Variants in TANC2 observed in about 807,000 individuals in gnomAD.
The protein encoded by TANC2 is protein TANC2.
In TANC2, 26 loss-of-function variants were observed where a neutral mutation model predicts 210.5. That is an observed-to-expected ratio of 0.12 (90% CI 0.09 to 0.17). TANC2 has a LOEUF of 0.17. Among genes scored for constraint, TANC2 ranks in the 10% least tolerant of loss-of-function variants. The pLI is 1.00. For synonymous variants in TANC2, 931 were observed against 967.1 expected (o/e 0.96, Z 0.69); for missense variants, 2,129 against 2,608.9 (o/e 0.82, Z 4.01).
chr17:63,324,377 T>A lies in TANC2; in HGVS notation c.1575+5287T>A, dbSNP rs1351150755. Among the ~76,000 whole-genome samples the A allele has an allele frequency of 2.0e-5, 3 of 152,214 alleles. No homozygotes were observed. In the East Asian group the frequency reaches 5.8e-4, roughly 29 times the overall value. On this transcript the variant is annotated intron_variant, in intron 11 of 27. Transcript: ENST00000689528. ...GTCAAATGATCATGGTTCCTGAAATTGTTGCAGTCACTATTAAAGCTGTCA... is the reference window on the plus strand; with the variant it reads ...GTCAAATGATCATGGTTCCTGAAATAGTTGCAGTCACTATTAAAGCTGTCA...
At chr17:63,162,190 G>A (rs2040051110) in intron 5 of TANC2, among the ~76,000 whole-genome samples, 1 of 152,038 alleles carries the variant, frequency 6.6e-6, no homozygotes, top group African/African-American at 2.4e-5. Context: ...TGTAGTTCCA[G>A]CTACTTGGAA....
At chr17:63,001,178 G>A (rs1181672963) in intron 1 of TANC2, among the ~76,000 whole-genome samples, 1 of 152,088 alleles carries the variant, frequency 6.6e-6, no homozygotes, top group Admixed American at 6.5e-5. Context: ...GAACAACTAT[G>A]TGTAAATAAT....
intron 3 of TANC2, among the ~76,000 whole-genome samples, chr17:63,078,779 A>G (rs1164783443): frequency 1.3e-5 from 2 of 152,118 alleles, no homozygotes; most frequent in African/African-American, 4.8e-5. Flanking sequence ...ATCATTTTAA[A>G]TTTGTTAAGA....
At chr17:63,166,766 A>T (rs2040224304) in intron 5 of TANC2, among the ~76,000 whole-genome samples, 1 of 151,944 alleles carries the variant, frequency 6.6e-6, no homozygotes, top group South Asian at 2.1e-4. Context: ...CCACAGCCCC[A>T]TGCAGATGGC....
At chr17:63,181,904 G>A (rs901131448) in intron 5 of TANC2, among the ~76,000 whole-genome samples, 5 of 152,132 alleles carry the variant, frequency 3.3e-5, no homozygotes, top group African/African-American at 4.8e-5. Context: ...TACTTGCCTC[G>A]TGTCACTACC....
intron 15 of TANC2, among the ~76,000 whole-genome samples, chr17:63,387,305 TCCTCTAGTGTGAGAATTC>T (rs2047816333): frequency 6.6e-6 from 1 of 152,202 alleles, no homozygotes. Context: ...TTTCAGCCTT[TCCTCTAGTGTGAGAATTC>T]CCTCTACAGG....
chr17:63,039,368 C>G (rs17548527), intron 2 of TANC2, among the ~76,000 whole-genome samples: 4,509 of 152,238 alleles, frequency 0.03, 83 homozygotes, highest in South Asian at 0.037. Context: ...CTGGCATACT[C>G]TTGTGCATTC....
intron 2 of TANC2, among the ~76,000 whole-genome samples, chr17:63,018,723 T>G (rs1311942525): frequency 1.3e-5 from 2 of 152,162 alleles, no homozygotes; most frequent in Non-Finnish European, 2.9e-5. Flanking sequence ...TCACACCTGC[T>G]CCCTTGTTAA....
At chr17:63,179,687 C>T (rs188573722) in intron 5 of TANC2, among the ~76,000 whole-genome samples, 1 of 152,124 alleles carries the variant, frequency 6.6e-6, no homozygotes, top group East Asian at 1.9e-4. Flanking sequence ...AAATTGTTCC[C>T]TCTGCTCTTT....
intron 14 of TANC2, among the ~76,000 whole-genome samples, chr17:63,369,894 C>T (rs2047215482): frequency 6.6e-6 from 1 of 151,934 alleles, no homozygotes; most frequent in African/African-American, 2.4e-5. Context: ...TGAGCCACCT[C>T]GCCTGGCCTA....
At chr17:63,352,614 A>G (rs1337158869) in intron 13 of TANC2, among the ~76,000 whole-genome samples, 1 of 152,220 alleles carries the variant, frequency 6.6e-6, no homozygotes, top group Non-Finnish European at 1.5e-5. Context: ...ATATTCTCAC[A>G]TAATATCATG....
rs186285507 is a variant in TANC2, at chr17:62,998,638, C to G, written c.-23-10899C>G. 1.8e-3 allele frequency among the ~76,000 whole-genome samples: 273 copies of G among 152,286 alleles called. 1 individual carries two copies. Among genetic ancestry groups the G allele is most frequent in the Non-Finnish European group, 2.5e-3 (172 of 68,014 alleles). On this transcript the variant is annotated intron_variant, in intron 1 of 27. Transcript: ENST00000689528. ...AAAAGAAATTCTAACCAAACATTTC[C>G]TATGTAGCCAAACTAAGCTTCATAA...
intron 9 of TANC2, among the ~76,000 whole-genome samples, chr17:63,293,216 C>T (rs2044434428): frequency 6.6e-6 from 1 of 152,034 alleles, no homozygotes; most frequent in African/African-American, 2.4e-5. Flanking sequence ...TCTAGAAACT[C>T]AGTAGAAAAA....
exon 18 of TANC2, chr17:63,395,903 C>T (rs925525321): frequency 1.2e-6 from 2 of 1,609,682 alleles, no homozygotes; most frequent in African/African-American, 2.7e-5. Flanking sequence ...GCCCTCATTG[C>T]TGCAGCCAGC....
At chr17:63,266,783 C>T (rs1285259266) in intron 8 of TANC2, among the ~76,000 whole-genome samples, 1 of 151,986 alleles carries the variant, frequency 6.6e-6, no homozygotes, top group African/African-American at 2.4e-5. Flanking sequence ...TTTTTTTTCC[C>T]TCTCACCAAC....
intron 9 of TANC2, among the ~76,000 whole-genome samples, chr17:63,273,619 C>T (rs962813153): frequency 3.3e-5 from 5 of 152,082 alleles, no homozygotes; most frequent in African/African-American, 9.7e-5. Flanking sequence ...CCCCAGATGA[C>T]GCTTTTATTT....
chr17:62,974,659 A>G (rs2031898967), intron 1 of TANC2, among the ~76,000 whole-genome samples: 2 of 152,180 alleles, frequency 1.3e-5, no homozygotes, highest in African/African-American at 2.4e-5. Context: ...GTAATTCAGA[A>G]TCCTGTGTCT....
At chr17:63,235,887 G>A (rs2042607461) in intron 7 of TANC2, among the ~76,000 whole-genome samples, 2 of 151,862 alleles carry the variant, frequency 1.3e-5, no homozygotes, top group Non-Finnish European at 2.9e-5. Context: ...TTCATTTCTA[G>A]CATTAATTAA....
intron 1 of TANC2, among the ~76,000 whole-genome samples, chr17:63,001,321 C>T (rs1055325389): frequency 2.0e-5 from 3 of 152,094 alleles, no homozygotes; most frequent in African/African-American, 7.2e-5. Context: ...AGGTAGTCCT[C>T]ATTGTTCTGG....
Sources: allele counts gnomAD v4.1 joint callset (sites outside exome capture counted in the v4.1 genomes callset), GRCh38; gene constraint gnomAD v4.1.1; transcripts MANE v1.5; gene names NCBI Gene and HGNC (gene_info 2026-07-23, HGNC 2026-07-21).